ABCB7: variants seen among roughly 807,000 people sequenced by gnomAD.
The protein encoded by ABCB7 is iron-sulfur clusters transporter ABCB7, mitochondrial.
In ABCB7, 7 loss-of-function variants were observed where a neutral mutation model predicts 54.4. That is an observed-to-expected ratio of 0.13 (90% confidence interval 0.07 to 0.24). The LOEUF (loss-of-function observed/expected upper bound fraction) is 0.24, where lower values mean the gene tolerates loss of function less well. Ranked by LOEUF, ABCB7 falls within the 10% of genes least tolerant of loss-of-function variation. The probability of loss-of-function intolerance (pLI) is 1.00; values close to 1 mark genes in which losing one functional copy is unlikely to be tolerated. For synonymous variants in ABCB7, 218 were observed against 207.1 expected (o/e 1.05, Z -0.45); for missense variants, 356 against 570.4 (o/e 0.62, Z 3.83).
intron 1 of ABCB7, among the ~76,000 whole-genome samples, chrX:75,142,047 G>A (rs2082057942): frequency 9.0e-6 from 1 of 111,494 alleles, no homozygotes; most frequent in Non-Finnish European, 1.9e-5. Flanking sequence ...AAATGAGAGA[G>A]AAGGGACATC....
intron 4 of ABCB7, among the ~76,000 whole-genome samples, chrX:75,093,667 G>A (rs1200498216): frequency 9.2e-6 from 1 of 108,846 alleles, no homozygotes; most frequent in East Asian, 2.9e-4. Context: ...AGAAGAAACT[G>A]CATTCTGGAG....
intron 15 of ABCB7, among the ~76,000 whole-genome samples, chrX:75,056,321 G>A (rs1395493015): frequency 8.9e-6 from 1 of 111,816 alleles, no homozygotes; most frequent in Non-Finnish European, 1.9e-5. Context: ...TACATTTCAC[G>A]TGTTAGTTGG....
At chrX:75,139,959 T>C (rs1348180665) in intron 1 of ABCB7, among the ~76,000 whole-genome samples, 1 of 111,769 alleles carries the variant, frequency 8.9e-6, no homozygotes, top group Admixed American at 9.6e-5. Context: ...TCAATTTGTA[T>C]AGAATGTTTA....
intron 4 of ABCB7, among the ~76,000 whole-genome samples, chrX:75,082,147 C>A (rs1486864605): frequency 9.0e-6 from 1 of 111,152 alleles, no homozygotes; most frequent in African/African-American, 3.3e-5. Context: ...CACACCAAGA[C>A]ACATCATAAT....
chrX:75,149,818 T>C (rs1241423657), intron 1 of ABCB7, among the ~76,000 whole-genome samples: 1 of 110,751 alleles, frequency 9.0e-6, no homozygotes, highest in African/African-American at 3.3e-5. Context: ...AACTAACATT[T>C]GAAAAATAGG....
At chrX:75,134,513 TA>T (rs1258738870) in intron 1 of ABCB7, among the ~76,000 whole-genome samples, 1 of 111,892 alleles carries the variant, frequency 8.9e-6, no homozygotes, top group Non-Finnish European at 1.9e-5. Context: ...GCAAGAACAA[TA>T]GAATATACAT....
chrX:75,114,955 G>T, intron 1 of ABCB7, 124 bp from the exon 2 acceptor site: 1 of 583,972 alleles, frequency 1.7e-6, no homozygotes, highest in Non-Finnish European at 2.6e-6. Context: ...AGATGATTAT[G>T]CTTTTAACGT....
At chrX:75,134,764 T>C (rs2081997999) in intron 1 of ABCB7, among the ~76,000 whole-genome samples, 2 of 111,951 alleles carry the variant, frequency 1.8e-5, no homozygotes, top group Admixed American at 1.9e-4. Flanking sequence ...AATCAGGAAA[T>C]TCTTTTAAAC....
chrX:75,093,577 T>G (rs1238090416), intron 4 of ABCB7, among the ~76,000 whole-genome samples: 1 of 110,733 alleles, frequency 9.0e-6, no homozygotes, highest in Non-Finnish European at 1.9e-5. Context: ...ATGGACTTGG[T>G]TAATAATAAT....
At chrX:75,119,081 T>G (rs2147532316) in intron 1 of ABCB7, among the ~76,000 whole-genome samples, 1 of 112,153 alleles carries the variant, frequency 8.9e-6, no homozygotes, top group African/African-American at 3.2e-5. Context: ...TTAATTGGTT[T>G]AATAATAACA....
intron 1 of ABCB7, among the ~76,000 whole-genome samples, chrX:75,151,037 C>T (rs1183218429): frequency 9.0e-6 from 1 of 110,510 alleles, no homozygotes; most frequent in East Asian, 2.8e-4. Flanking sequence ...TTTCTGATTC[C>T]CCTGAAATTG....
At chrX:75,098,714 G>A (rs2081613653) in intron 4 of ABCB7, among the ~76,000 whole-genome samples, 1 of 111,397 alleles carries the variant, frequency 9.0e-6, no homozygotes, top group African/African-American at 3.3e-5. Flanking sequence ...ATCTCACAAC[G>A]GTTTCAAGGA....
In ABCB7 at chrX:75,137,646, T is replaced by C. The variant is rs185047809; in HGVS notation, c.168+18459A>G. Reference sequence around the variant, plus strand: ...AATCAACCTAGATGCCCATCAATGGTGGACTGAATAAAGAAAATGTGGTAC... The same window carrying C: ...AATCAACCTAGATGCCCATCAATGGCGGACTGAATAAAGAAAATGTGGTAC... On this transcript the variant is annotated intron_variant, in intron 1 of 15. Coordinates refer to ENST00000373394, the MANE Select transcript of ABCB7 (RefSeq NM_001271696.3). Among the ~76,000 whole-genome samples the C allele has an allele frequency of 3.6e-3, 409 of 112,198 alleles. 1 individual carries two copies. Among genetic ancestry groups the C allele is most frequent in the African/African-American group, 0.013 (400 of 30,878 alleles).
At chrX:75,094,957 A>G (rs2081578351) in intron 4 of ABCB7, among the ~76,000 whole-genome samples, 1 of 110,315 alleles carries the variant, frequency 9.1e-6, no homozygotes, top group Non-Finnish European at 1.9e-5. Context: ...AGAAATACCA[A>G]TCCCCTCTCT....
intron 4 of ABCB7, among the ~76,000 whole-genome samples, chrX:75,096,978 A>G (rs1014607732): frequency 1.8e-5 from 2 of 111,425 alleles, no homozygotes; most frequent in African/African-American, 6.5e-5. Context: ...TGCTGAATGA[A>G]TGTGTGAAAT....
At chrX:75,067,149 A>G (rs1415247080) in intron 12 of ABCB7, among the ~76,000 whole-genome samples, 1 of 111,928 alleles carries the variant, frequency 8.9e-6, no homozygotes, top group Non-Finnish European at 1.9e-5. Flanking sequence ...GCAAAACAAG[A>G]GACTGTCCAT....
chrX:75,079,331 T>G (rs1026883661), intron 4 of ABCB7, among the ~76,000 whole-genome samples: 1 of 110,931 alleles, frequency 9.0e-6, no homozygotes, highest in African/African-American at 3.3e-5. Flanking sequence ...ACCAAAGAAA[T>G]AAGAAGGATA....
chrX:75,107,938 T>C (rs748140178), intron 3 of ABCB7, among the ~76,000 whole-genome samples: 2 of 108,601 alleles, frequency 1.8e-5, no homozygotes, highest in Non-Finnish European at 3.8e-5. Flanking sequence ...ACAGCATCTC[T>C]AGACCTGCCC....
chrX:75,057,101 T>C (rs1024590207), intron 15 of ABCB7, among the ~76,000 whole-genome samples: 1 of 111,905 alleles, frequency 8.9e-6, no homozygotes, highest in African/African-American at 3.2e-5. Context: ...TTTTTGAAGG[T>C]ATAAAAACAC....
Sources: gnomAD v4.1 joint callset for allele counts (sites outside exome capture counted in the v4.1 genomes callset) on GRCh38, gnomAD v4.1.1 for gene constraint, MANE v1.5 for transcripts, NCBI Gene and HGNC (gene_info 2026-07-23, HGNC 2026-07-21) for gene names.